PARG: variants seen among roughly 807,000 people sequenced by gnomAD.
PARG encodes the protein mitochondrial poly(ADP-ribose) glycohydrolase.
In PARG, 35 loss-of-function variants were observed where a neutral mutation model predicts 113.0. The observed-to-expected ratio is 0.31, with a 90% confidence interval of 0.24 to 0.41. PARG has a LOEUF of 0.41. PARG is among the 10% of genes least tolerant of loss of function. The pLI is 1.00. For synonymous variants in PARG, 330 were observed against 409.9 expected, an observed-to-expected ratio of 0.81 and a Z score of 2.36; for missense variants, 797 against 1,169.4, an observed-to-expected ratio of 0.68 and a Z score of 4.64.
intron 16 of PARG, among the ~76,000 whole-genome samples, chr10:49,831,987 C>T (rs1844692922): frequency 6.6e-6 from 1 of 152,174 alleles, no homozygotes; most frequent in East Asian, 1.9e-4. Context: ...TCTGCGATTA[C>T]TCCAGGTAGT....
intron 15 of PARG, among the ~76,000 whole-genome samples, chr10:49,841,465 G>GA (rs1564605595): frequency 6.6e-6 from 1 of 151,934 alleles, no homozygotes; most frequent in Non-Finnish European, 1.5e-5. Flanking sequence ...TAATAAAAAA[G>GA]AAAAAAATGA....
chr10:49,839,062 C>T (rs1019025762), intron 15 of PARG, among the ~76,000 whole-genome samples: 6 of 152,118 alleles, frequency 3.9e-5, no homozygotes, highest in East Asian at 3.9e-4. Flanking sequence ...TTAGGCCAGG[C>T]GTGGTGGCTC....
In PARG at chr10:49,924,595, C is replaced by T. The variant is rs1838058156; in HGVS notation, c.1456-1926G>A. On this transcript the variant is annotated intron_variant, in intron 4 of 17. Transcript: ENST00000616448. ...GCCAAGGGCATTCTAAAGCAAACCC[C>T]ATACACTAGTTCAGGCCATGATGGG... Among the ~76,000 whole-genome samples, 4 of 149,498 alleles carry T rather than the reference C, an allele frequency of 2.7e-5. No individual in the cohort carries two copies. In the South Asian group the frequency reaches 8.6e-4, roughly 32 times the overall value.
At chr10:49,838,296 T>C (rs1845046109) in intron 15 of PARG, among the ~76,000 whole-genome samples, 1 of 151,778 alleles carries the variant, frequency 6.6e-6, no homozygotes, top group African/African-American at 2.4e-5. Context: ...CCGGGAGTAG[T>C]GGTGCATGCC....
At chr10:49,934,665 C>A (rs1367661883) in intron 2 of PARG, among the ~76,000 whole-genome samples, 1 of 152,048 alleles carries the variant, frequency 6.6e-6, no homozygotes, top group South Asian at 2.1e-4. Context: ...CTGGCTAACC[C>A]GGTGAAACCC....
chr10:49,926,384 G>A (rs1554850582), intron 4 of PARG, among the ~76,000 whole-genome samples: 2 of 152,016 alleles, frequency 1.3e-5, no homozygotes, highest in African/African-American at 4.8e-5. Context: ...GGTAATAACA[G>A]CTTAAACCAA....
intron 7 of PARG, among the ~76,000 whole-genome samples, chr10:49,913,863 G>A (rs1487337783): frequency 1.1e-4 from 16 of 152,030 alleles, no homozygotes; most frequent in African/African-American, 3.4e-4. Context: ...AGATTGTGCC[G>A]CTGCACTCCA....
At position 49,820,299 on chromosome 10, in the gene PARG, G is replaced by A. The variant is rs1255543155; in HGVS notation, c.2648-6C>T. On this transcript the variant is annotated splice_polypyrimidine_tract_variant and splice_region_variant and intron_variant, in intron 16 of 17. Coordinates refer to ENST00000616448, the MANE Select transcript of PARG (RefSeq NM_003631.5). ...TGCCAATATCTGTATTAAGGCTGAGGCAAAGAGAAAAGACACGGCTATATC... is the reference window on the plus strand; with the variant it reads ...TGCCAATATCTGTATTAAGGCTGAGACAAAGAGAAAAGACACGGCTATATC... 8.4e-6 allele frequency: 13 copies of A among 1,544,748 alleles called. No homozygotes were observed. The highest frequency in any genetic ancestry group is 1.1e-5 in the Non-Finnish European group (12 of 1,141,594).
chr10:49,920,630 G>GTA (rs1321870171), intron 6 of PARG, among the ~76,000 whole-genome samples: 15 of 144,588 alleles, frequency 1.0e-4, no homozygotes, highest in African/African-American at 2.8e-4. Context: ...ATATATACAT[G>GTA]TATATATATA....
intron 16 of PARG, 22 bp downstream of exon 16, chr10:49,832,779 TTA>T: frequency 1.4e-6 from 2 of 1,396,904 alleles, no homozygotes; most frequent in Non-Finnish European, 2.0e-6. Flanking sequence ...CAGAATGCTT[TTA>T]TCCTTTTCTA....
chr10:49,838,394 G>A (rs574614122), intron 15 of PARG, among the ~76,000 whole-genome samples: 2 of 129,734 alleles, frequency 1.5e-5, no homozygotes, highest in Admixed American at 1.9e-4. Context: ...TCATGCCATT[G>A]CACTCCAGCC....
At chr10:49,824,035 GAC>G (rs1554829097) in intron 16 of PARG, among the ~76,000 whole-genome samples, 1 of 152,136 alleles carries the variant, frequency 6.6e-6, no homozygotes, top group African/African-American at 2.4e-5. Context: ...CTAGCTCTGT[GAC>G]TAGCCAGTTA....
intron 7 of PARG, among the ~76,000 whole-genome samples, chr10:49,895,607 T>C (rs1848044930): frequency 6.6e-6 from 1 of 152,086 alleles, no homozygotes; most frequent in Non-Finnish European, 1.5e-5. Flanking sequence ...GGTTTCACCA[T>C]GTTAGCCAGG....
rs188252264 is a variant in PARG, at chr10:49,918,828, C to T, written c.1663-2837G>A. 7.2e-5 allele frequency among the ~76,000 whole-genome samples: 11 copies of T among 152,030 alleles called. No homozygotes were observed. In the East Asian group the frequency reaches 1.9e-3, roughly 27 times the overall value. ...TCTATTGAATCTACCATAAGGGAAA[C>T]GCAAAAAGGAAATTCAGATTAAAGC... On this transcript the variant is annotated intron_variant, in intron 6 of 17. Transcript: ENST00000616448.
At chr10:49,893,359 A>G (rs1239506610) in intron 7 of PARG, among the ~76,000 whole-genome samples, 1 of 152,200 alleles carries the variant, frequency 6.6e-6, no homozygotes, top group East Asian at 1.9e-4. Flanking sequence ...GGCAATTTGT[A>G]TACCTTCCTT....
intron 7 of PARG, 42 bp downstream of exon 7, chr10:49,915,875 G>A (rs1306956274): frequency 8.2e-5 from 81 of 991,880 alleles, no homozygotes; most frequent in Non-Finnish European, 1.1e-4. Context: ...TTCTTATTGA[G>A]TTGTCAATAA....
intron 7 of PARG, among the ~76,000 whole-genome samples, chr10:49,913,648 A>C (rs1554846872): frequency 6.6e-6 from 1 of 152,182 alleles, no homozygotes; most frequent in African/African-American, 2.4e-5. Context: ...CACACCTGTA[A>C]TCCCAGCACT....
intron 6 of PARG, among the ~76,000 whole-genome samples, chr10:49,917,874 T>C (rs1189815088): frequency 5.9e-5 from 9 of 151,938 alleles, no homozygotes; most frequent in Non-Finnish European, 8.8e-5. Flanking sequence ...GATTTTTTTT[T>C]CCAATCACTG....
intron 1 of PARG, among the ~76,000 whole-genome samples, chr10:49,938,091 A>G (rs1374677618): frequency 6.6e-6 from 1 of 152,078 alleles, no homozygotes; most frequent in East Asian, 1.9e-4. Context: ...TACAAGATCT[A>G]GAGTCAGATA....
Sources: allele counts gnomAD v4.1 joint callset (sites outside exome capture counted in the v4.1 genomes callset), GRCh38; gene constraint gnomAD v4.1.1; transcripts MANE v1.5; gene names NCBI Gene and HGNC (gene_info 2026-07-23, HGNC 2026-07-21).